SRRM3: variants seen among roughly 807,000 people sequenced by gnomAD.
SRRM3 encodes the protein serine/arginine repetitive matrix 3.
In SRRM3, 27 loss-of-function variants were observed where a neutral mutation model predicts 66.2. That is an observed-to-expected ratio of 0.41 (90% CI 0.30 to 0.56). The LOEUF (loss-of-function observed/expected upper bound fraction) is 0.56, where lower values mean the gene tolerates loss of function less well. Ranked by LOEUF, SRRM3 falls within the 20% of genes least tolerant of loss-of-function variation. The pLI, the probability that SRRM3 is intolerant of heterozygous loss-of-function variation, is 0.32. For missense variants in SRRM3, 918 were observed against 991.9 expected, an observed-to-expected ratio of 0.93 and a Z score of 1.00; for synonymous variants, 391 against 414.9, an observed-to-expected ratio of 0.94 and a Z score of 0.70.
chr7:76,281,802 G>C lies in SRRM3; in HGVS notation c.1370G>C (p.Arg457Pro). Residue 457 changes from arginine to proline, a missense_variant and splice_region_variant, in exon 12 of 15, where the codon CGG becomes CCG. By Grantham distance (103) the Arg-to-Pro change is moderately radical (BLOSUM62 -2). Coordinates refer to ENST00000611745, the MANE Select transcript of SRRM3 (RefSeq NM_001110199.3). Reference protein sequence around the residue: ...SERGHGGHGKRAKERPPRARP... With the variant: ...SERGHGGHGKPAKERPPRARP... Reference sequence around the variant, plus strand: ...CGAGGCCACGGCGGACACGGGAAACGGTGAGCGTGCTGGACCCGGAGCTGG... The same window carrying C: ...CGAGGCCACGGCGGACACGGGAAACCGTGAGCGTGCTGGACCCGGAGCTGG... 2 of 1,368,686 alleles carry C rather than the reference G, an allele frequency of 1.5e-6. No homozygotes were observed. The highest frequency in any genetic ancestry group is 1.9e-6 in the Non-Finnish European group (2 of 1,061,070). 84.8% of individuals were successfully genotyped at this position (1,368,686 alleles called of 1,614,324 possible).
At chr7:76,246,223 A>C (rs1382677933) in intron 2 of SRRM3, among the ~76,000 whole-genome samples, 2 of 152,164 alleles carry the variant, frequency 1.3e-5, no homozygotes, top group African/African-American at 4.8e-5. Flanking sequence ...CAATCTTGAA[A>C]GGCAGGTTGT....
intron 5 of SRRM3, among the ~76,000 whole-genome samples, 183 bp downstream of exon 5, chr7:76,260,380 C>T (rs1288347044): frequency 1.4e-5 from 2 of 145,316 alleles, no homozygotes; most frequent in East Asian, 2.1e-4. Flanking sequence ...CACCCCAGGC[C>T]TCAAGCTCCT....
chr7:76,281,309 T>G (rs1233220834), intron 11 of SRRM3, 132 bp from the exon 12 acceptor site: 2 of 595,952 alleles, frequency 3.4e-6, no homozygotes, highest in Non-Finnish European at 4.6e-6. Flanking sequence ...CCCTCTTTCC[T>G]CTTTCTGTCT....
At chr7:76,239,261 T>C (rs1378120401) in intron 2 of SRRM3, among the ~76,000 whole-genome samples, 1 of 152,144 alleles carries the variant, frequency 6.6e-6, no homozygotes, top group Non-Finnish European at 1.5e-5. Flanking sequence ...CTCGAACTCC[T>C]GACCTCAGAT....
At chr7:76,213,697 G>A (rs1172049771) in intron 1 of SRRM3, among the ~76,000 whole-genome samples, 3 of 152,118 alleles carry the variant, frequency 2.0e-5, no homozygotes, top group Non-Finnish European at 4.4e-5. Context: ...CTTGAAAGGG[G>A]TTATGAGCTC....
intron 11 of SRRM3, among the ~76,000 whole-genome samples, chr7:76,277,744 G>GAAAGAAAGAAAAA (rs61035427): frequency 1.2e-5 from 1 of 85,096 alleles, no homozygotes; most frequent in East Asian, 2.8e-4. Flanking sequence ...AAGAGAGAGA[G>GAAAGAAAGAAAAA]AGAAAGAAAG....
chr7:76,242,393 G>A (rs1414476782), intron 2 of SRRM3, among the ~76,000 whole-genome samples: 1 of 152,036 alleles, frequency 6.6e-6, no homozygotes, highest in Non-Finnish European at 1.5e-5. Flanking sequence ...GCTGAGGCAG[G>A]AGAATCGCTT....
rs1026522970 is a variant in SRRM3, at chr7:76,238,232, G to T, written c.233+2933G>T. 2.6e-5 allele frequency among the ~76,000 whole-genome samples: 4 copies of T among 152,316 alleles called. No homozygotes were observed. In the South Asian group the frequency reaches 8.3e-4, roughly 32 times the overall value. ...CCTGTGTTCTGGAGCTGTTCTGAGA[G>T]TCCTCCGTTGAAGACACACATGGGA... is the stretch of plus-strand genomic sequence containing the variant. On this transcript the variant is annotated intron_variant, in intron 2 of 14. Coordinates refer to ENST00000611745, the MANE Select transcript of SRRM3 (RefSeq NM_001110199.3).
chr7:76,267,166 C>A (rs1440076528), intron 10 of SRRM3, 92 bp from the exon 11 acceptor site: 9 of 1,219,684 alleles, frequency 7.4e-6, no homozygotes, highest in Non-Finnish European at 9.8e-6. Context: ...TCTCTTTCCC[C>A]GTGCTGGGGA....
chr7:76,249,454 G>A (rs569076460), intron 3 of SRRM3, among the ~76,000 whole-genome samples: 6 of 152,264 alleles, frequency 3.9e-5, no homozygotes, highest in Admixed American at 2.6e-4. Flanking sequence ...GAGGCACACC[G>A]GTTTGCCGTG....
chr7:76,266,463 T>A (rs1554609696), intron 10 of SRRM3, among the ~76,000 whole-genome samples: 1 of 112,224 alleles, frequency 8.9e-6, no homozygotes, highest in African/African-American at 3.7e-5. Context: ...TATTTATATA[T>A]ATTATAAATA....
At chr7:76,248,719 C>G (rs1801501031) in intron 3 of SRRM3, among the ~76,000 whole-genome samples, 1 of 152,230 alleles carries the variant, frequency 6.6e-6, no homozygotes, top group Non-Finnish European at 1.5e-5. Context: ...TGGCTCAAGC[C>G]TGTAATCCCA....
intron 3 of SRRM3, among the ~76,000 whole-genome samples, chr7:76,253,546 G>A (rs915794664): frequency 6.6e-5 from 10 of 151,458 alleles, no homozygotes; most frequent in Admixed American, 1.3e-4. Flanking sequence ...GCGTGAACCC[G>A]GGAGGTGGAG....
intron 1 of SRRM3, among the ~76,000 whole-genome samples, chr7:76,226,695 ATTC>A (rs1800873000): frequency 6.6e-6 from 1 of 152,136 alleles, no homozygotes; most frequent in South Asian, 2.1e-4. Context: ...AGTTCAAGCA[ATTC>A]TTCTGCCTCA....
intron 3 of SRRM3, among the ~76,000 whole-genome samples, chr7:76,254,654 T>A (rs1192558228): frequency 6.6e-6 from 1 of 152,138 alleles, no homozygotes; most frequent in Non-Finnish European, 1.5e-5. Context: ...TTCATCATTT[T>A]TGTGTCAGTA....
At chr7:76,282,906 G>A (rs1802564588) in intron 13 of SRRM3, 34 bp downstream of exon 13, 2 of 1,310,908 alleles carry the variant, frequency 1.5e-6, no homozygotes, top group Admixed American at 4.2e-5. Context: ...CGACGGGGCG[G>A]GCGGCGGGGT....
At chr7:76,241,960 T>C (rs1330110867) in intron 2 of SRRM3, among the ~76,000 whole-genome samples, 1 of 152,206 alleles carries the variant, frequency 6.6e-6, no homozygotes, top group African/African-American at 2.4e-5. Flanking sequence ...CTCACGGTTC[T>C]AGAGGCTTGT....
chr7:76,231,503 G>T (rs1433539363), intron 1 of SRRM3, among the ~76,000 whole-genome samples: 1 of 152,224 alleles, frequency 6.6e-6, no homozygotes, highest in Non-Finnish European at 1.5e-5. Flanking sequence ...CTAGGCTGGG[G>T]AGCCTTGCCC....
At chr7:76,282,565 A>ACC in intron 12 of SRRM3, 83 bp from the exon 13 acceptor site, 1 of 579,780 alleles carries the variant, frequency 1.7e-6, no homozygotes, top group Non-Finnish European at 2.6e-6. Flanking sequence ...CTCCGCCCTA[A>ACC]GCCCCGCCCC....
Sources: allele counts gnomAD v4.1 joint callset (sites outside exome capture counted in the v4.1 genomes callset), GRCh38; gene constraint gnomAD v4.1.1; transcripts MANE v1.5; gene names NCBI Gene and HGNC (gene_info 2026-07-23, HGNC 2026-07-21).